The following TTYH3 variants were observed in gnomAD, a reference collection of about 807,000 sequenced individuals.
The protein encoded by TTYH3 is protein tweety homolog 3.
A neutral mutation model predicts 68.2 loss-of-function variants in TTYH3; 23 were observed. The ratio of observed to expected loss-of-function variants is 0.34; its 90% CI spans 0.24 to 0.48. The LOEUF (loss-of-function observed/expected upper bound fraction) is 0.48. Ranked by LOEUF, TTYH3 falls within the 20% of genes least tolerant of loss-of-function variation. The pLI, the probability that TTYH3 is intolerant of heterozygous loss-of-function variation, is 0.99. For synonymous variants in TTYH3, 360 were observed against 332.8 expected (o/e 1.08, Z -0.89); for missense variants, 768 against 727.7 (o/e 1.06, Z -0.64).
intron 12 of TTYH3, 83 bp from the exon 13 acceptor site, chr7:2,658,857 G>C (rs535605018): frequency 2.2e-6 from 3 of 1,347,522 alleles, no homozygotes; most frequent in Middle Eastern, 1.8e-4. Context: ...TGGGCACAGC[G>C]GGCCTACCCA....
chr7:2,648,068 TGTCGG>T lies in TTYH3; in HGVS notation c.722+15_722+19del, dbSNP rs775203970. 6.2e-7 allele frequency: 1 copy of T among 1,602,934 alleles called. No individual in the cohort carries two copies. The highest frequency in any genetic ancestry group is 1.1e-5 in the South Asian group (1 of 90,852). On this transcript the variant is annotated intron_variant, in intron 5 of 13. Coordinates refer to ENST00000258796, the MANE Select transcript of TTYH3 (RefSeq NM_025250.3). The stretch of plus-strand genomic sequence containing the variant: ...CATCCTGGTGGGGTGAGTCTGGGGG[TGTCGG>T]CCCCCCGTGGGCCCAAAGCGGAGGG...
rs1786512746 is a variant in TTYH3 at position 2,662,036 on chromosome 7, A to G, written c.*297A>G. On this transcript the variant is annotated 3_prime_UTR_variant, in exon 14 of 14. Transcript: ENST00000258796. ...CCCTCTGCAGATGGTCGCCGCACCT[A>G]CAAGCCCTGGCCGCACCCAACCTGT... 5.4e-6 allele frequency: 3 copies of G among 558,484 alleles called. No individual in the cohort carries two copies. The highest frequency in any genetic ancestry group is 6.4e-6 in the Non-Finnish European group (2 of 310,408). The allele number at this position is 558,484 out of a possible 1,614,324, so 34.6% of individuals were successfully genotyped here.
chr7:2,648,071 C>G lies in TTYH3; in HGVS notation c.722+17C>G. The G allele has an allele frequency of 6.2e-7, 1 of 1,602,122 alleles. No homozygotes were observed. Among genetic ancestry groups the G allele is most frequent in the Non-Finnish European group, 8.5e-7 (1 of 1,176,662 alleles). ...CCTGGTGGGGTGAGTCTGGGGGTGT[C>G]GGCCCCCCGTGGGCCCAAAGCGGAG... On this transcript the variant is annotated intron_variant, in intron 5 of 13. Coordinates refer to ENST00000258796, the MANE Select transcript of TTYH3 (RefSeq NM_025250.3).
Position 2,645,523 on chromosome 7 carries a change from G to A in TTYH3, c.124-1330G>A. The A allele has an allele frequency of 3.7e-6, 1 of 271,658 alleles. No homozygotes were observed. Among genetic ancestry groups the A allele is most frequent in the East Asian group, 9.5e-5 (1 of 10,566 alleles). 16.8% of individuals were successfully genotyped at this position (271,658 alleles called of 1,614,324 possible). ...ACAGGGGAGCTCTGGTGTCTGTTCT[G>A]TGGTCTGTCTTTTGTGTTCAGAGAC... On this transcript the variant is annotated intron_variant, in intron 1 of 13. Coordinates refer to ENST00000258796, the MANE Select transcript of TTYH3 (RefSeq NM_025250.3). The surrounding 1 kb of genome is among the most constrained non-coding windows in gnomAD (Gnocchi z 4.8).
intron 9 of TTYH3, 112 bp downstream of exon 9, chr7:2,653,122 T>C: frequency 2.2e-6 from 2 of 920,602 alleles, no homozygotes; most frequent in South Asian, 3.2e-5. Flanking sequence ...GGCACCAGGC[T>C]GGCCGAGTGG....
At position 2,658,310 on chromosome 7, in the gene TTYH3, G is replaced by A; in HGVS notation, c.1275G>A (p.Glu425=). Reference sequence around the variant, plus strand: ...GAGGCCCTGATGAGGACGGGGAGGAGGAGGCCGCTCCAGGGCCGCGGCAGG... The same window carrying A: ...GAGGCCCTGATGAGGACGGGGAGGAAGAGGCCGCTCCAGGGCCGCGGCAGG... The part of the protein sequence containing the change: ...QKRGPDEDGE[E]EAAPGPRQAH... Residue 425 remains glutamate (E), a synonymous_variant, in exon 12 of 14, where the codon GAG becomes GAA. Coordinates refer to ENST00000258796, the MANE Select transcript of TTYH3 (RefSeq NM_025250.3). The A allele has an allele frequency of 6.3e-7, 1 of 1,595,578 alleles. No homozygotes were observed. The highest frequency in any genetic ancestry group is 8.5e-7 in the Non-Finnish European group (1 of 1,170,794).
intron 1 of TTYH3, among the ~76,000 whole-genome samples, chr7:2,639,635 TG>T (rs1364125962): frequency 6.6e-6 from 1 of 152,234 alleles, no homozygotes; most frequent in African/African-American, 2.4e-5. Context: ...GCCGTCAGTG[TG>T]GGGACTCCGT....
intron 13 of TTYH3, chr7:2,660,544 C>T (rs1425188424): frequency 1.0e-5 from 10 of 985,248 alleles, no homozygotes; most frequent in Non-Finnish European, 1.1e-5. Flanking sequence ...GCGTCTGCCC[C>T]GTCCCGTCCA....
chr7:2,658,968 C>T lies in TTYH3; in HGVS notation c.1453C>T (p.Arg485Cys), dbSNP rs1165741253. The T allele has an allele frequency of 5.6e-6, 9 of 1,613,992 alleles. No homozygotes were observed. Among genetic ancestry groups the T allele is most frequent in the African/African-American group, 1.3e-5 (1 of 74,942 alleles). The change falls in exon 13 of 14, where the codon CGC becomes TGC. Residue 485 changes from arginine (R) to cysteine (C), a missense_variant. Arg to Cys is a radical substitution (Grantham distance 180). Coordinates refer to ENST00000258796, the MANE Select transcript of TTYH3 (RefSeq NM_025250.3). The part of the protein sequence containing the change: ...MSQNANFQNP[R>C]CENTPLIGRE... ...CCAGAACGCTAATTTCCAGAACCCC[C>T]GCTGTGAGAACACCCCACTCATTGG...
intron 12 of TTYH3, 68 bp downstream of exon 12, chr7:2,658,527 T>C: frequency 6.6e-7 from 1 of 1,525,254 alleles, no homozygotes; most frequent in African/African-American, 1.4e-5. Flanking sequence ...GGATCTGGGC[T>C]GGGGCTAGCT....
chr7:2,646,877 G>C lies in TTYH3; in HGVS notation c.148G>C (p.Ala50Pro). ...GGCCCTGCTGCTCCTGGGGGCCGCC[G>C]CCCTGGCCTGCCTCGCCCTGGACCT... is the stretch of plus-strand genomic sequence containing the variant. Reference protein sequence around the residue: ...QQALLLLGAAALACLALDLLF... With the variant: ...QQALLLLGAAPLACLALDLLF... The change falls in exon 2 of 14, where the codon GCC becomes CCC. Residue 50 changes from alanine (A) to proline (P), a missense_variant. Ala to Pro is a conservative substitution (Grantham distance 27). Transcript: ENST00000258796. 1 of 1,597,064 alleles carries C rather than the reference G, an allele frequency of 6.3e-7. No homozygotes were observed. Among genetic ancestry groups the C allele is most frequent in the African/African-American group, 1.3e-5 (1 of 75,004 alleles).
intron 5 of TTYH3, among the ~76,000 whole-genome samples, chr7:2,649,274 C>T (rs1467390011): frequency 6.6e-6 from 1 of 152,092 alleles, no homozygotes; most frequent in Non-Finnish European, 1.5e-5. Flanking sequence ...GACACTGTTG[C>T]CTGTTCAGGA....
intron 1 of TTYH3, among the ~76,000 whole-genome samples, chr7:2,634,453 G>C (rs1329176344): frequency 1.3e-5 from 2 of 152,036 alleles, no homozygotes; most frequent in Non-Finnish European, 2.9e-5. Flanking sequence ...GTGGGGGGTG[G>C]ACCCCTCACC....
At position 2,647,407 on chromosome 7, in the gene TTYH3, G is replaced by C; in HGVS notation, c.406-11G>C. On this transcript the variant is annotated splice_polypyrimidine_tract_variant and intron_variant, in intron 3 of 13. Transcript: ENST00000258796. ...CGCGCTCCCAGCCTCACGCCCGCGG[G>C]TCCGGCGCAGGTGTGGGACACGGCG... is the stretch of plus-strand genomic sequence containing the variant. The C allele has an allele frequency of 6.7e-7, 1 of 1,485,014 alleles. No individual in the cohort carries two copies. The highest frequency in any genetic ancestry group is 1.3e-5 in the South Asian group (1 of 76,692). 92.0% of individuals were successfully genotyped at this position (1,485,014 alleles called of 1,614,324 possible). A position where few individuals can be genotyped will look rare whatever the true frequency, so the allele number is the denominator to read the frequency against.
intron 7 of TTYH3, 106 bp from the exon 8 acceptor site, chr7:2,652,081 A>AT: frequency 1.1e-6 from 1 of 919,900 alleles, no homozygotes; most frequent in Non-Finnish European, 1.8e-6. Context: ...ACATGTAAAC[A>AT]TGCACGCAGA....
intron 13 of TTYH3, 107 bp downstream of exon 13, chr7:2,659,122 G>A: frequency 1.7e-6 from 2 of 1,160,664 alleles, no homozygotes; most frequent in Non-Finnish European, 2.5e-6. Context: ...TGTGAGCTCT[G>A]GGGGCAGCTG....
intron 8 of TTYH3, 126 bp downstream of exon 8, chr7:2,652,368 G>A: frequency 1.2e-6 from 1 of 831,634 alleles, no homozygotes; most frequent in Non-Finnish European, 2.0e-6. Flanking sequence ...GGGGGAGGGA[G>A]CTGGACAAAG....
rs974953697 is a variant in TTYH3, at chr7:2,651,305, T to C, written c.872-882T>C. Among the ~76,000 whole-genome samples, 7 of 152,144 alleles carry C rather than the reference T, an allele frequency of 4.6e-5. No homozygotes were observed. In the South Asian group the frequency reaches 1.0e-3, roughly 23 times the overall value. The stretch of plus-strand genomic sequence containing the variant: ...GCCACAGGATTGGCTTGTGGGCTGG[T>C]TTTTTACCTGCCTTTGTTGAAGGAA... On this transcript the variant is annotated intron_variant, in intron 7 of 13. Coordinates refer to ENST00000258796, the MANE Select transcript of TTYH3 (RefSeq NM_025250.3).
At chr7:2,659,476 C>A (rs963250198) in intron 13 of TTYH3, among the ~76,000 whole-genome samples, 1 of 152,228 alleles carries the variant, frequency 6.6e-6, no homozygotes, top group East Asian at 1.9e-4. Context: ...CCAGGGGCCC[C>A]GGCCCTGCCT....
Sources: allele counts gnomAD v4.1 joint callset (sites outside exome capture counted in the v4.1 genomes callset), GRCh38; gene constraint gnomAD v4.1.1; non-coding constraint Gnocchi (gnomAD v3.1); transcripts MANE v1.5; gene names NCBI Gene and HGNC (gene_info 2026-07-23, HGNC 2026-07-21).